SIK3: variants seen among roughly 807,000 people sequenced by gnomAD.
The protein encoded by SIK3 is SIK family kinase 3.
A neutral mutation model predicts 144.2 loss-of-function variants in SIK3; 28 were observed. That is an observed-to-expected ratio of 0.19 (90% CI 0.14 to 0.27). The LOEUF (loss-of-function observed/expected upper bound fraction) is 0.27, where lower values mean the gene tolerates loss of function less well. Ranked by LOEUF, SIK3 falls within the 10% of genes least tolerant of loss-of-function variation. The probability of loss-of-function intolerance (pLI) is 1.00; values close to 1 mark genes in which losing one functional copy is unlikely to be tolerated. For synonymous variants in SIK3, 686 were observed against 676.3 expected, an observed-to-expected ratio of 1.01 and a Z score of -0.22; for missense variants, 1,319 against 1,776.0, an observed-to-expected ratio of 0.74 and a Z score of 4.62.
At chr11:117,076,381 C>T (rs968205196) in intron 1 of SIK3, among the ~76,000 whole-genome samples, 25 of 152,104 alleles carry the variant, frequency 1.6e-4, no homozygotes, top group African/African-American at 5.8e-4. Flanking sequence ...GCAGACCATC[C>T]CCCTATTTAC....
chr11:116,905,029 A>C (rs562291783), intron 4 of SIK3: 9 of 167,054 alleles, frequency 5.4e-5, no homozygotes, highest in Non-Finnish European at 1.0e-4. Context: ...CAGTGAAAAA[A>C]CCAAAGAAGA....
At position 116,858,845 on chromosome 11, in the gene SIK3, T is replaced by C. The variant is rs1943145343; in HGVS notation, c.2766-146A>G. On this transcript the variant is annotated intron_variant, in intron 20 of 24. Transcript: ENST00000445177. This position sits in a 1 kb window ranked among gnomAD's most constrained non-coding sequence, Gnocchi z 5.4. The stretch of plus-strand genomic sequence containing the variant: ...GTGGCAGATGTATGCATTGTCCCTA[T>C]TTATTCCATTACTGGCTTGTCCAGT... 5 of 1,239,706 alleles carry C rather than the reference T, an allele frequency of 4.0e-6. No individual in the cohort carries two copies. In the East Asian group the frequency reaches 1.0e-4, roughly 25 times the overall value. 76.8% of individuals were successfully genotyped at this position (1,239,706 alleles called of 1,614,324 possible).
intron 7 of SIK3, among the ~76,000 whole-genome samples, chr11:116,876,655 G>C (rs1944273740): frequency 6.6e-6 from 1 of 152,234 alleles, no homozygotes; most frequent in Admixed American, 6.5e-5. Context: ...CCCCATGGTA[G>C]GTAAGCTGCA....
At chr11:116,920,721 T>C (rs1946919859) in intron 4 of SIK3, among the ~76,000 whole-genome samples, 2 of 152,154 alleles carry the variant, frequency 1.3e-5, no homozygotes. Context: ...ATTTATGTCC[T>C]TTATCAGTAC....
chr11:117,097,268 C>CTGG (rs1265589486), intron 1 of SIK3, among the ~76,000 whole-genome samples: 1 of 152,130 alleles, frequency 6.6e-6, no homozygotes, highest in Middle Eastern at 3.2e-3. Flanking sequence ...CTCCCGGTGT[C>CTGG]TGGGTTCTTC....
Position 117,070,901 on chromosome 11 carries a change from C to T in SIK3, c.273+27242G>A, listed in dbSNP as rs564899810. 7.9e-5 allele frequency among the ~76,000 whole-genome samples: 12 copies of T among 151,710 alleles called. No homozygotes were observed. The East Asian group carries it at 2.3e-3, about 29-fold the overall frequency. The stretch of plus-strand genomic sequence containing the variant: ...CCTAGTAGCTGGGATTACAGGCCCC[C>T]GCCACCACACCTGGCTAACTTTTTG... On this transcript the variant is annotated intron_variant, in intron 1 of 24. Coordinates refer to ENST00000445177, the MANE Select transcript of SIK3 (RefSeq NM_001366686.3).
At chr11:116,897,510 A>G (rs1945474035) in intron 4 of SIK3, among the ~76,000 whole-genome samples, 193 bp from the exon 5 acceptor site, 1 of 152,226 alleles carries the variant, frequency 6.6e-6, no homozygotes, top group Admixed American at 6.5e-5. Context: ...GCTGAAATAT[A>G]AACATGATCA....
At chr11:117,026,528 C>T (rs993695685) in intron 1 of SIK3, among the ~76,000 whole-genome samples, 4 of 152,144 alleles carry the variant, frequency 2.6e-5, no homozygotes, top group African/African-American at 9.7e-5. Flanking sequence ...CAAAAAAGCC[C>T]ATAATGTGGC....
intron 1 of SIK3, among the ~76,000 whole-genome samples, chr11:117,040,871 T>C (rs934484839): frequency 6.6e-6 from 1 of 152,034 alleles, no homozygotes; most frequent in African/African-American, 2.4e-5. Flanking sequence ...ACAATGTTTT[T>C]ATATACTTAT....
chr11:116,866,914 T>G (rs1007509022), intron 15 of SIK3, among the ~76,000 whole-genome samples: 1 of 152,188 alleles, frequency 6.6e-6, no homozygotes, highest in Non-Finnish European at 1.5e-5. Flanking sequence ...TCTTCCTTCT[T>G]TTAGGGTTCC....
chr11:116,980,444 T>C (rs1043789488), intron 1 of SIK3, among the ~76,000 whole-genome samples: 3 of 152,250 alleles, frequency 2.0e-5, no homozygotes, highest in Non-Finnish European at 2.9e-5. Flanking sequence ...TTTAGACAGC[T>C]TGAATTCTAA....
At chr11:117,089,984 CTAACATAACTT>C (rs978981792) in intron 1 of SIK3, among the ~76,000 whole-genome samples, 6 of 152,206 alleles carry the variant, frequency 3.9e-5, no homozygotes, top group Non-Finnish European at 7.3e-5. Flanking sequence ...AAATATGTTC[CTAACATAACTT>C]ACTGATGGCT....
chr11:116,969,118 G>T (rs980638068), intron 1 of SIK3, among the ~76,000 whole-genome samples: 1 of 151,782 alleles, frequency 6.6e-6, no homozygotes, highest in Non-Finnish European at 1.5e-5. Context: ...GTGAAACCTC[G>T]TCTCTACTGA....
intron 21 of SIK3, among the ~76,000 whole-genome samples, chr11:116,850,670 A>G (rs532022410): frequency 6.6e-6 from 1 of 152,340 alleles, no homozygotes; most frequent in African/African-American, 2.4e-5. Context: ...GTGAATCTTC[A>G]GTGTTCTAGA....
At position 116,894,248 on chromosome 11, in the gene SIK3, C is replaced by CCTCTT. The variant is rs367941561; in HGVS notation, c.865+2000_865+2004dup. On this transcript the variant is annotated intron_variant, in intron 6 of 24. Coordinates refer to ENST00000445177, the MANE Select transcript of SIK3 (RefSeq NM_001366686.3). ...TATGTTCCAGAGTTTAATTCATGGA[C>CCTCTT]CTCTTCTCTTCTCTGTAACCACTGC... 5.9e-4 allele frequency among the ~76,000 whole-genome samples: 90 copies of CCTCTT among 152,170 alleles called. 1 individual carries two copies. Among genetic ancestry groups the CCTCTT allele is most frequent in the African/African-American group, 2.1e-3 (86 of 41,496 alleles).
chr11:116,937,109 G>A (rs1947959586), intron 3 of SIK3, among the ~76,000 whole-genome samples: 1 of 152,130 alleles, frequency 6.6e-6, no homozygotes, highest in Non-Finnish European at 1.5e-5. Flanking sequence ...TATCTTGTGT[G>A]TCTTCCCTCC....
intron 1 of SIK3, among the ~76,000 whole-genome samples, chr11:117,091,133 C>T (rs1477226099): frequency 6.7e-6 from 1 of 150,290 alleles, no homozygotes; most frequent in Non-Finnish European, 1.5e-5. Context: ...AGAGATGAGC[C>T]ATGAATCTAA....
At chr11:116,923,132 T>C (rs1384298790) in intron 4 of SIK3, among the ~76,000 whole-genome samples, 1 of 152,098 alleles carries the variant, frequency 6.6e-6, no homozygotes, top group Non-Finnish European at 1.5e-5. Context: ...GCCAGGCTGG[T>C]CTCAAACTCC....
At chr11:117,067,939 G>A (rs58848374) in intron 1 of SIK3, among the ~76,000 whole-genome samples, 6,498 of 152,092 alleles carry the variant, frequency 0.043, 277 homozygotes, top group African/African-American at 0.1. Context: ...AGCCGAGATC[G>A]CGCCACTGCA....
Sources: allele counts gnomAD v4.1 joint callset (sites outside exome capture counted in the v4.1 genomes callset), GRCh38; gene constraint gnomAD v4.1.1; non-coding constraint Gnocchi (gnomAD v3.1); transcripts MANE v1.5; gene names NCBI Gene and HGNC (gene_info 2026-07-23, HGNC 2026-07-21).